The following GABRG3 variants were observed in gnomAD, a reference collection of about 807,000 sequenced individuals.
The protein encoded by GABRG3 is gamma-aminobutyric acid type A receptor subunit gamma3.
Under a neutral mutation model 48.8 loss-of-function variants are expected in GABRG3, and 25 were observed. The ratio of observed to expected loss-of-function variants is 0.51; its 90% CI spans 0.37 to 0.72. GABRG3 has a LOEUF of 0.72. Among genes scored for constraint, GABRG3 ranks in the 30% least tolerant of loss-of-function variants. GABRG3 has a pLI of 0.00. For synonymous variants in GABRG3, 227 were observed against 217.6 expected, an observed-to-expected ratio of 1.04 and a Z score of -0.38; for missense variants, 394 against 577.9, an observed-to-expected ratio of 0.68 and a Z score of 3.26.
intron 3 of GABRG3, among the ~76,000 whole-genome samples, chr15:27,055,557 T>C (rs1896531318): frequency 6.6e-6 from 1 of 152,214 alleles, no homozygotes; most frequent in Non-Finnish European, 1.5e-5. Flanking sequence ...AGTCAAACGC[T>C]GGCGCAGAAC....
chr15:27,172,293 C>A (rs1555407588), intron 3 of GABRG3, among the ~76,000 whole-genome samples: 1 of 152,076 alleles, frequency 6.6e-6, no homozygotes, highest in Non-Finnish European at 1.5e-5. Context: ...TTGCACAGGT[C>A]CTTGGAGTAG....
intron 5 of GABRG3, among the ~76,000 whole-genome samples, chr15:27,370,428 G>A (rs1211523423): frequency 6.6e-6 from 1 of 152,194 alleles, no homozygotes; most frequent in African/African-American, 2.4e-5. Context: ...GTGGACATCA[G>A]ACAACCTAAC....
chr15:27,381,597 CT>C (rs1895779072), intron 5 of GABRG3, among the ~76,000 whole-genome samples: 1 of 152,238 alleles, frequency 6.6e-6, no homozygotes, highest in African/African-American at 2.4e-5. Context: ...CCGTATCCAC[CT>C]ATCTGTCTCT....
intron 3 of GABRG3, among the ~76,000 whole-genome samples, chr15:27,037,105 G>T (rs1306771413): frequency 3.3e-5 from 5 of 152,156 alleles, no homozygotes; most frequent in Non-Finnish European, 7.3e-5. Context: ...CCAGAAGCCA[G>T]GGCAGAGCCC....
chr15:26,999,361 G>T (rs1895402302), intron 2 of GABRG3, among the ~76,000 whole-genome samples: 1 of 151,992 alleles, frequency 6.6e-6, no homozygotes. Flanking sequence ...AGAATATAGG[G>T]GTTCAGGAAC....
intron 5 of GABRG3, among the ~76,000 whole-genome samples, chr15:27,396,190 C>T (rs1887293409): frequency 6.6e-6 from 1 of 152,096 alleles, no homozygotes; most frequent in Admixed American, 6.6e-5. Context: ...TTTTGCTCTG[C>T]CATAGATACT....
chr15:27,103,068 C>T (rs117805930), intron 3 of GABRG3, among the ~76,000 whole-genome samples: 4,970 of 152,234 alleles, frequency 0.033, 89 homozygotes, highest in Non-Finnish European at 0.051. Context: ...AACTAGTCTT[C>T]GTCCTAGTCT....
At chr15:27,171,139 G>A (rs1057362386) in intron 3 of GABRG3, among the ~76,000 whole-genome samples, 1 of 152,170 alleles carries the variant, frequency 6.6e-6, no homozygotes, top group African/African-American at 2.4e-5. Context: ...AGCAGGGGCT[G>A]GGGGTGGGGT....
At chr15:27,491,225 C>T in intron 6 of GABRG3, among the ~76,000 whole-genome samples, 1 of 152,230 alleles carries the variant, frequency 6.6e-6, no homozygotes, top group African/African-American at 2.4e-5. Context: ...ACACTGCGGC[C>T]CCTGCCTTCA....
chr15:27,481,399 G>A, intron 6 of GABRG3: 2 of 451,698 alleles, frequency 4.4e-6, no homozygotes, highest in Non-Finnish European at 5.8e-6. Context: ...TTTGCTTTGG[G>A]TATTTAATTA....
At chr15:27,342,061 C>T (rs774598362) in intron 5 of GABRG3, among the ~76,000 whole-genome samples, 5 of 152,190 alleles carry the variant, frequency 3.3e-5, no homozygotes, top group Non-Finnish European at 5.9e-5. Context: ...GCGAGTGAAG[C>T]TCAGTGTGAG....
At chr15:27,245,403 A>G (rs1037198480) in intron 3 of GABRG3, among the ~76,000 whole-genome samples, 2 of 152,216 alleles carry the variant, frequency 1.3e-5, no homozygotes, top group Non-Finnish European at 2.9e-5. Flanking sequence ...AATTTTAGAT[A>G]AATGGTATGA....
Position 27,328,843 on chromosome 15 carries a change from A to G in GABRG3, c.529A>G (p.Asn177Asp). The change falls in exon 5 of 10, where the codon AAC (asparagine) becomes GAC (aspartate). Residue 177 changes from asparagine to aspartate, a missense_variant. Physicochemically the swap from Asn to Asp is conservative, Grantham distance 23 (BLOSUM62 1). Transcript: ENST00000615808. ...INAECQLQLHNFPMDEHSCPL... is the reference protein window; with the variant it reads ...INAECQLQLHDFPMDEHSCPL... The stretch of plus-strand genomic sequence containing the variant: ...TGCTGAGTGCCAGCTGCAGCTGCAC[A>G]ACTTCCCCATGGACGAACACTCCTG... 6.2e-7 allele frequency: 1 copy of G among 1,614,016 alleles called. No individual in the cohort carries two copies. Among genetic ancestry groups the G allele is most frequent in the Non-Finnish European group, 8.5e-7 (1 of 1,179,884 alleles).
Position 27,179,080 on chromosome 15 carries a change from C to T in GABRG3, c.271-147729C>T, listed in dbSNP as rs546382432. On this transcript the variant is annotated intron_variant, in intron 3 of 9. Transcript: ENST00000615808. The surrounding 1 kb of genome is among the most constrained non-coding windows in gnomAD (Gnocchi z 4.0). ...AGAGGAAAACTTTTCTTTTTGGGGC[C>T]TTCATTTTGGGTTATAGTTTTCTAT... is the stretch of plus-strand genomic sequence containing the variant. 2.6e-5 allele frequency among the ~76,000 whole-genome samples: 4 copies of T among 152,164 alleles called. No individual in the cohort carries two copies. The highest frequency in any genetic ancestry group is 9.6e-5 in the African/African-American group (4 of 41,512).
rs1486868291 is a variant in GABRG3 at position 27,538,932 on chromosome 15, C to T, written c.*6051C>T. 6.6e-6 allele frequency: 1 copy of T among 152,168 alleles called. No individual in the cohort carries two copies. The highest frequency in any genetic ancestry group is 2.4e-5 in the African/African-American group (1 of 41,446). 9.4% of individuals were successfully genotyped at this position (152,168 alleles called of 1,614,324 possible). Reference sequence around the variant, plus strand: ...ATCTAAGGATACATGAGCGAGCCCACAGCACAATTATTGCAGTCCCCAAGA... The same window carrying T: ...ATCTAAGGATACATGAGCGAGCCCATAGCACAATTATTGCAGTCCCCAAGA... On this transcript the variant is annotated 3_prime_UTR_variant, in exon 10 of 10. Coordinates refer to ENST00000615808, the MANE Select transcript of GABRG3 (RefSeq NM_033223.5).
chr15:27,171,011 C>T (rs1887548734), intron 3 of GABRG3, among the ~76,000 whole-genome samples: 1 of 152,136 alleles, frequency 6.6e-6, no homozygotes, highest in Non-Finnish European at 1.5e-5. Flanking sequence ...CTGACTCAGA[C>T]GATTCATCAG....
intron 3 of GABRG3, among the ~76,000 whole-genome samples, chr15:27,082,560 G>T (rs59428939): frequency 0.18 from 27,347 of 152,136 alleles, 2,558 homozygotes; most frequent in Middle Eastern, 0.25. Context: ...AGCCACTTGG[G>T]CAAGGGTTGG....
At chr15:27,038,781 GTTGGGGA>G (rs1203808007) in intron 3 of GABRG3, among the ~76,000 whole-genome samples, 1 of 152,186 alleles carries the variant, frequency 6.6e-6, no homozygotes, top group Non-Finnish European at 1.5e-5. Context: ...GTGTTGGGGA[GTTGGGGA>G]TGTCAGAGTG....
At chr15:27,023,227 C>T (rs1161447318) in intron 2 of GABRG3, among the ~76,000 whole-genome samples, 1 of 152,032 alleles carries the variant, frequency 6.6e-6, no homozygotes, top group East Asian at 1.9e-4. Context: ...AAAATTGCTC[C>T]CCACCACCCC....
Sources: allele counts gnomAD v4.1 joint callset (sites outside exome capture counted in the v4.1 genomes callset), GRCh38; gene constraint gnomAD v4.1.1; non-coding constraint Gnocchi (gnomAD v3.1); transcripts MANE v1.5; gene names NCBI Gene and HGNC (gene_info 2026-07-23, HGNC 2026-07-21).